WDR59: variants seen among roughly 807,000 people sequenced by gnomAD.
The protein encoded by WDR59 is GATOR2 complex protein WDR59.
In WDR59, 100 loss-of-function variants were observed where a neutral mutation model predicts 131.2. The observed-to-expected ratio is 0.76, with a 90% confidence interval of 0.65 to 0.90. WDR59 has a LOEUF of 0.90. WDR59 is among the 40% of genes least tolerant of loss of function. The probability of loss-of-function intolerance (pLI) is 0.00; values close to 1 mark genes in which losing one functional copy is unlikely to be tolerated. For missense variants in WDR59, 1,203 were observed against 1,262.2 expected (o/e 0.95, Z 0.71); for synonymous variants, 601 against 466.2 (o/e 1.29, Z -3.72).
At chr16:74,911,199 C>A (rs925070950) in intron 14 of WDR59, among the ~76,000 whole-genome samples, 4 of 152,120 alleles carry the variant, frequency 2.6e-5, no homozygotes, top group African/African-American at 9.7e-5. Context: ...GAGTTCGCAA[C>A]CTAATCGTAT....
chr16:74,903,948 C>T lies in WDR59; in HGVS notation c.1865G>A (p.Arg622Gln), dbSNP rs754466544. The change falls in exon 18 of 26, where the codon CGG (arginine) becomes CAG (glutamine). Residue 622 changes from arginine to glutamine, a missense_variant and splice_region_variant. Transcript: ENST00000262144. ...VSISSFYYKERKSRRWKSKRE... is the reference protein window; with the variant it reads ...VSISSFYYKEQKSRRWKSKRE... ...AAAGGCTACGGCTCTGGCACTTACC[C>T]GCTCCTTGTAGTAGAAGGAGCTGAT... The T allele has an allele frequency of 1.5e-5, 24 of 1,606,180 alleles. No homozygotes were observed. The highest frequency in any genetic ancestry group is 3.3e-5 in the South Asian group (3 of 89,700).
At position 74,981,701 on chromosome 16, in the gene WDR59, G is replaced by A. The variant is rs1361526215; in HGVS notation, c.54+3263C>T. ...GATGGAGTCTCACTCTGTCGCCCAG[G>A]CTGGAGTACAGTGGTGAGATCTTGG... On this transcript the variant is annotated intron_variant, in intron 1 of 25. Transcript: ENST00000262144. 2.6e-5 allele frequency among the ~76,000 whole-genome samples: 3 copies of A among 114,962 alleles called. No homozygotes were observed. The Admixed American group carries it at 2.9e-4, about 11-fold the overall frequency. The allele number at this position is 114,962 out of a possible 152,430, so 75.4% of individuals were successfully genotyped here.
intron 10 of WDR59, among the ~76,000 whole-genome samples, chr16:74,919,622 C>T (rs1251954180): frequency 1.3e-5 from 2 of 152,052 alleles, no homozygotes; most frequent in Non-Finnish European, 1.5e-5. Context: ...GGATTACAGG[C>T]GTGAGCCACC....
At chr16:74,967,749 C>G (rs566808606) in intron 1 of WDR59, among the ~76,000 whole-genome samples, 1 of 151,646 alleles carries the variant, frequency 6.6e-6, no homozygotes, top group East Asian at 1.9e-4. Flanking sequence ...ATCCCAGCTA[C>G]TCAGGAGGCT....
Position 74,949,735 on chromosome 16 carries a change from G to C in WDR59, c.390C>G (p.Ile130Met). Residue 130 changes from isoleucine to methionine, a missense_variant, in exon 5 of 26, where the codon ATC (isoleucine) becomes ATG (methionine). Physicochemically the swap from Ile to Met is conservative, Grantham distance 10. Transcript: ENST00000262144. ...GTTCTTACTTGATATCCCAAATGTA[G>C]ATGTAGGTGTCCACAGAGCTGGTAA... ...LLVTSSVDTY[I>M]YIWDIKDTRK... 1 of 1,613,878 alleles carries C rather than the reference G, an allele frequency of 6.2e-7. No individual in the cohort carries two copies. The highest frequency in any genetic ancestry group is 1.1e-5 in the South Asian group (1 of 91,078).
Position 74,958,281 on chromosome 16 carries a change from G to T in WDR59, c.105-1671C>A, listed in dbSNP as rs543051792. ...GGAAATGAAAAACAGGTGGACAAAT[G>T]GTAATTGATCTAAAGAAAGCTAAAT... On this transcript the variant is annotated intron_variant, in intron 2 of 25. Coordinates refer to ENST00000262144, the MANE Select transcript of WDR59 (RefSeq NM_030581.4). Among the ~76,000 whole-genome samples the T allele has an allele frequency of 9.9e-5, 15 of 151,990 alleles. No homozygotes were observed. The South Asian group carries it at 3.1e-3, about 32-fold the overall frequency.
chr16:74,922,591 A>G (rs2030354554), intron 9 of WDR59, among the ~76,000 whole-genome samples: 1 of 152,154 alleles, frequency 6.6e-6, no homozygotes, highest in South Asian at 2.1e-4. Context: ...CAACTGCTCA[A>G]AGGAAAACTT....
At chr16:74,947,244 T>C (rs1373136249) in intron 6 of WDR59, among the ~76,000 whole-genome samples, 5 of 152,018 alleles carry the variant, frequency 3.3e-5, no homozygotes, top group East Asian at 3.9e-4. Flanking sequence ...AGGTCGGGAG[T>C]TCAAGACCAG....
chr16:74,968,373 G>C (rs1185092392), intron 1 of WDR59, among the ~76,000 whole-genome samples: 3 of 152,194 alleles, frequency 2.0e-5, no homozygotes, highest in Non-Finnish European at 4.4e-5. Context: ...AGCTGAGAGT[G>C]CCTCGACTTC....
At chr16:74,909,317 C>T (rs1206749209) in intron 16 of WDR59, among the ~76,000 whole-genome samples, 184 bp downstream of exon 16, 1 of 152,130 alleles carries the variant, frequency 6.6e-6, no homozygotes, top group African/African-American at 2.4e-5. Context: ...TTCTGGTGCA[C>T]CCTCTTAGGA....
In WDR59 at chr16:74,904,114, T is replaced by A. The variant is rs1481418140; in HGVS notation, c.1713-14A>T. ...GCTGAGAGAGATCTGTAGTTGAAAA[T>A]GATAATTATCCACACTGGCTGCAGT... On this transcript the variant is annotated splice_polypyrimidine_tract_variant and intron_variant, in intron 17 of 25. Coordinates refer to ENST00000262144, the MANE Select transcript of WDR59 (RefSeq NM_030581.4). 1 of 1,609,320 alleles carries A rather than the reference T, an allele frequency of 6.2e-7. No individual in the cohort carries two copies. Among genetic ancestry groups the A allele is most frequent in the Non-Finnish European group, 8.5e-7 (1 of 1,177,878 alleles).
At chr16:74,892,013 T>TA (rs1211757980) in intron 20 of WDR59, among the ~76,000 whole-genome samples, 1 of 152,164 alleles carries the variant, frequency 6.6e-6, no homozygotes, top group Non-Finnish European at 1.5e-5. Context: ...TTAAGCCGTT[T>TA]AAAAAAATAC....
intron 17 of WDR59, 27 bp from the exon 18 acceptor site, chr16:74,904,127 C>T (rs759256174): frequency 1.2e-6 from 2 of 1,600,044 alleles, no homozygotes; most frequent in Non-Finnish European, 1.7e-6. Context: ...TAATTATCCA[C>T]ACTGGCTGCA....
chr16:74,878,043 G>A (rs1228929383), intron 25 of WDR59, among the ~76,000 whole-genome samples: 1 of 152,176 alleles, frequency 6.6e-6, no homozygotes, highest in African/African-American at 2.4e-5. Context: ...CAAATGACAA[G>A]TGGCCAACAC....
rs553583113 is a variant in WDR59, at chr16:74,984,933, C to A, written c.54+31G>T. ...GGAGGGGAAGCGGGGAGGACGCATGCCCAGAGGGCTCCACTCGGCCTCTAG... is the reference window on the plus strand; with the variant it reads ...GGAGGGGAAGCGGGGAGGACGCATGACCAGAGGGCTCCACTCGGCCTCTAG... On this transcript the variant is annotated intron_variant, in intron 1 of 25. Coordinates refer to ENST00000262144, the MANE Select transcript of WDR59 (RefSeq NM_030581.4). The A allele has an allele frequency of 1.8e-5, 28 of 1,598,928 alleles. No homozygotes were observed. In the African/African-American group the frequency reaches 3.2e-4, roughly 18 times the overall value.
chr16:74,979,550 G>GT (rs1171693477), intron 1 of WDR59, among the ~76,000 whole-genome samples: 1 of 150,814 alleles, frequency 6.6e-6, no homozygotes, highest in Non-Finnish European at 1.5e-5. Context: ...TGTTTTTTTT[G>GT]TTTTTTTCAG....
chr16:74,877,383 A>G (rs867944522), intron 25 of WDR59, among the ~76,000 whole-genome samples: 2 of 152,336 alleles, frequency 1.3e-5, no homozygotes, highest in Non-Finnish European at 2.9e-5. Flanking sequence ...CTGTGCCTGG[A>G]TAAGAGAGGT....
chr16:74,956,784 G>A (rs1190064129), intron 2 of WDR59, among the ~76,000 whole-genome samples, 174 bp from the exon 3 acceptor site: 2 of 152,156 alleles, frequency 1.3e-5, no homozygotes, highest in Non-Finnish European at 1.5e-5. Context: ...AATTCAAGGT[G>A]GCTGTCACAC....
Position 74,888,332 on chromosome 16 carries a change from T to A in WDR59, c.2196-13A>T. The A allele has an allele frequency of 6.2e-7, 1 of 1,608,260 alleles. No individual in the cohort carries two copies. The highest frequency in any genetic ancestry group is 8.5e-7 in the Non-Finnish European group (1 of 1,177,564). On this transcript the variant is annotated splice_polypyrimidine_tract_variant and intron_variant, in intron 21 of 25. Coordinates refer to ENST00000262144, the MANE Select transcript of WDR59 (RefSeq NM_030581.4). ...ATAGTGAGCCAACCTGAGGAAAAGA[T>A]AAGAGGAAAGAAAACAAGTCAGGAG...
Sources: allele counts gnomAD v4.1 joint callset (sites outside exome capture counted in the v4.1 genomes callset), GRCh38; gene constraint gnomAD v4.1.1; transcripts MANE v1.5; gene names NCBI Gene and HGNC (gene_info 2026-07-23, HGNC 2026-07-21).